The following MAMSTR variants were observed in gnomAD, a reference collection of about 807,000 sequenced individuals.
MAMSTR encodes the protein MEF2-activating motif and SAP domain-containing transcriptional regulator.
MAMSTR carries 41 observed loss-of-function variants against 42.7 expected under a neutral mutation model. The observed-to-expected ratio is 0.96, with a 90% CI of 0.75 to 1.25. MAMSTR has a LOEUF of 1.25. MAMSTR is among the 50% of genes most tolerant of loss of function. The pLI is 0.00. For synonymous variants in MAMSTR, 265 were observed against 244.1 expected (o/e 1.09, Z -0.80); for missense variants, 567 against 557.6 (o/e 1.02, Z -0.17).
downstream of MAMSTR, among the ~76,000 whole-genome samples, chr19:48,708,290 GAGGAGAAAT>G (rs1233349774): frequency 3.3e-5 from 5 of 150,968 alleles, no homozygotes; most frequent in African/African-American, 1.2e-4. Context: ...GAGGAAGGAG[GAGGAGAAAT>G]ATTTTTTCCA....
chr19:48,718,183 G>GT (rs898814888), intron 2 of MAMSTR, among the ~76,000 whole-genome samples: 1 of 152,108 alleles, frequency 6.6e-6, no homozygotes, highest in Non-Finnish European at 1.5e-5. Context: ...GTCAGGGTTT[G>GT]TCCCCCAATT....
chr19:48,715,000 T>A, intron 5 of MAMSTR, 92 bp from the exon 6 acceptor site: 1 of 852,072 alleles, frequency 1.2e-6, no homozygotes, highest in South Asian at 1.7e-5. Context: ...CTGGGGAAGA[T>A]GCAGAAAAGT....
chr19:48,714,119 G>A (rs1256013631), intron 7 of MAMSTR, 74 bp from the exon 8 acceptor site: 18 of 1,443,108 alleles, frequency 1.2e-5, no homozygotes, highest in South Asian at 2.8e-5. Flanking sequence ...GCAACGTGTG[G>A]CTCCACCCCT....
At chr19:48,715,123 T>C in intron 5 of MAMSTR, 139 bp downstream of exon 5, 2 of 750,560 alleles carry the variant, frequency 2.7e-6, no homozygotes, top group Non-Finnish European at 4.4e-6. Context: ...AGGGAGGGGC[T>C]GGGATCCTGG....
At chr19:48,712,609 T>A (rs2032759245), downstream of MAMSTR, 1 of 150,990 alleles carries the variant, frequency 6.6e-6, no homozygotes, top group African/African-American at 2.5e-5. Context: ...TGTGTGTGTG[T>A]TTGGTAGAGA....
At chr19:48,715,525 G>A in intron 4 of MAMSTR, 79 bp from the exon 5 acceptor site, 1 of 1,470,332 alleles carries the variant, frequency 6.8e-7, no homozygotes, top group Non-Finnish European at 9.0e-7. Flanking sequence ...AAAGTATGGG[G>A]TCAGCTCGGT....
intron 4 of MAMSTR, 84 bp downstream of exon 4, chr19:48,715,541 C>G (rs182759887): frequency 1.4e-6 from 2 of 1,478,102 alleles, no homozygotes; most frequent in Admixed American, 2.8e-5. Flanking sequence ...TCGGTGCCAC[C>G]GAAGAGGAGC....
At chr19:48,715,832 CTG>C (rs1269376933) in intron 3 of MAMSTR, 65 bp from the exon 4 acceptor site, 14 of 1,496,916 alleles carry the variant, frequency 9.4e-6, no homozygotes, top group Admixed American at 5.6e-5. Context: ...AGGAGCAAGG[CTG>C]TGTGGAAAGC....
chr19:48,719,437 G>A lies in MAMSTR; in HGVS notation c.-22+242C>T, dbSNP rs1036957794. On this transcript the variant is annotated intron_variant, in intron 1 of 9. Coordinates refer to ENST00000318083, the MANE Select transcript of MAMSTR (RefSeq NM_001130915.2). This position sits in a 1 kb window ranked among gnomAD's most constrained non-coding sequence, Gnocchi z 4.4. ...GGGGCCTGGAGTCTGGAATCTTGAA[G>A]GAGAAGGAGGTTAAGGGCTGGAACT... is the stretch of plus-strand genomic sequence containing the variant. Among the ~76,000 whole-genome samples the A allele has an allele frequency of 7.2e-5, 11 of 152,154 alleles. No individual in the cohort carries two copies. Among genetic ancestry groups the A allele is most frequent in the African/African-American group, 2.7e-4 (11 of 41,430 alleles).
intron 2 of MAMSTR, chr19:48,717,070 T>G: frequency 2.4e-6 from 2 of 816,774 alleles, no homozygotes; most frequent in Non-Finnish European, 3.0e-6. Context: ...ATCGCTATCT[T>G]GGCAGCCTGG....
Position 48,714,527 on chromosome 19 carries a change from C to A in MAMSTR, c.562G>T (p.Gly188Cys). 1 of 1,454,846 alleles carries A rather than the reference C, an allele frequency of 6.9e-7. No homozygotes were observed. The highest frequency in any genetic ancestry group is 9.0e-7 in the Non-Finnish European group (1 of 1,116,008). The allele number at this position is 1,454,846 out of a possible 1,614,324, so 90.1% of individuals were successfully genotyped here. The change falls in exon 7 of 10, where the codon GGC (glycine) becomes TGC (cysteine). Residue 188 changes from glycine (G) to cysteine (C), a missense_variant. Coordinates refer to ENST00000318083, the MANE Select transcript of MAMSTR (RefSeq NM_001130915.2). ...SELRQQLRLR[G>C]LPVSGTKSML... ...GACTTGGTCCCCGACACTGGGAGGCCCCGCAGGCGCAGCTGCTGCCGGAGC... is the reference window on the plus strand; with the variant it reads ...GACTTGGTCCCCGACACTGGGAGGCACCGCAGGCGCAGCTGCTGCCGGAGC...
chr19:48,710,596 ATTT>A (rs35728097), downstream of MAMSTR, among the ~76,000 whole-genome samples: 10 of 115,324 alleles, frequency 8.7e-5, no homozygotes, highest in African/African-American at 1.0e-4. Context: ...CCTGAAACCT[ATTT>A]TTTTTTTTTT....
the MAMSTR span, among the ~76,000 whole-genome samples, chr19:48,707,576 G>A: frequency 0.024 from 3,594 of 146,748 alleles, 138 homozygotes; most frequent in African/African-American, 0.084. Context: ...CTCTGTCTGT[G>A]CTAAAAATAC....
intron 2 of MAMSTR, chr19:48,717,118 T>A: frequency 3.5e-6 from 1 of 284,966 alleles, no homozygotes; most frequent in Non-Finnish European, 5.4e-6. Flanking sequence ...CATGCACTCC[T>A]GCTACTTTCT....
At chr19:48,714,628 C>T in intron 6 of MAMSTR, 68 bp from the exon 7 acceptor site, 1 of 1,426,590 alleles carries the variant, frequency 7.0e-7, no homozygotes, top group Non-Finnish European at 9.3e-7. Flanking sequence ...AGGAGCTGGA[C>T]AGGATATTTG....
intron 3 of MAMSTR, 62 bp from the exon 4 acceptor site, chr19:48,715,829 AG>A (rs1431113672): frequency 9.3e-6 from 14 of 1,501,714 alleles, no homozygotes; most frequent in Admixed American, 5.4e-5. Flanking sequence ...GGGAGGAGCA[AG>A]GCTGTGTGGA....
At chr19:48,716,851 C>A in intron 2 of MAMSTR, 108 bp from the exon 3 acceptor site, 1 of 1,249,272 alleles carries the variant, frequency 8.0e-7, no homozygotes, top group Non-Finnish European at 1.0e-6. Flanking sequence ...TATGCGTGCC[C>A]AGCCCCCTTA....
intron 2 of MAMSTR, among the ~76,000 whole-genome samples, chr19:48,718,128 C>T (rs913298701): frequency 6.6e-6 from 1 of 152,212 alleles, no homozygotes; most frequent in Non-Finnish European, 1.5e-5. Flanking sequence ...CAGGTAAGAG[C>T]CACCGCGCCC....
At chr19:48,707,838 G>GGAAAGAGAGAAA (rs2032667214), downstream of MAMSTR, among the ~76,000 whole-genome samples, 1 of 90,902 alleles carries the variant, frequency 1.1e-5, no homozygotes, top group Non-Finnish European at 2.1e-5. Flanking sequence ...AAGAAAGAAA[G>GGAAAGAGAGAAA]GAAAGAAAGA....
Sources: gnomAD v4.1 joint callset for allele counts (sites outside exome capture counted in the v4.1 genomes callset) on GRCh38, gnomAD v4.1.1 for gene constraint, Gnocchi (gnomAD v3.1) non-coding constraint, MANE v1.5 for transcripts, NCBI Gene and HGNC (gene_info 2026-07-23, HGNC 2026-07-21) for gene names.